Variants in APOL1 observed in about 807,000 individuals in gnomAD.
APOL1 encodes apolipoprotein L1.
Under a neutral mutation model 14.9 loss-of-function variants are expected in APOL1, and 17 were observed. The ratio of observed to expected loss-of-function variants is 1.14; its 90% confidence interval spans 0.78 to 1.71. The LOEUF is 1.71. Ranked by LOEUF, APOL1 falls within the 40% of genes most tolerant of loss-of-function variation. The probability of loss-of-function intolerance (pLI) is 0.00; values close to 1 mark genes in which losing one functional copy is unlikely to be tolerated. For missense variants in APOL1, 523 were observed against 485.9 expected, an observed-to-expected ratio of 1.08 and a Z score of -0.72; for synonymous variants, 195 against 184.8, an observed-to-expected ratio of 1.05 and a Z score of -0.45.
In APOL1 at chr22:36,267,283, G is replaced by A. The variant is rs2016305046; in HGVS notation, c.*1250G>A. 6.6e-6 allele frequency: 1 copy of A among 152,256 alleles called. No individual in the cohort carries two copies. Among genetic ancestry groups the A allele is most frequent in the Non-Finnish European group, 1.5e-5 (1 of 68,102 alleles). The allele number at this position is 152,256 out of a possible 1,614,324, so 9.4% of individuals were successfully genotyped here. A position where few individuals can be genotyped will look rare whatever the true frequency, so the allele number is the denominator to read the frequency against. On this transcript the variant is annotated 3_prime_UTR_variant, in exon 6 of 6. Coordinates refer to ENST00000397278, the MANE Select transcript of APOL1 (RefSeq NM_003661.4). ...CCTGCTTGAACACTGAAGGGCAGGT[G>A]GTGGGCCATGGCCATGGTCCCCAGC...
rs774066225 is a variant in APOL1, at chr22:36,265,731, G to C, written c.895G>C (p.Ala299Pro). 1.2e-6 allele frequency: 2 copies of C among 1,614,034 alleles called. No homozygotes were observed. The highest frequency in any genetic ancestry group is 2.2e-5 in the South Asian group (2 of 91,048). Residue 299 changes from alanine to proline, a missense_variant, in exon 6 of 6, where the codon GCC (alanine) becomes CCC (proline). By Grantham distance (27) the Ala-to-Pro change is conservative. Transcript: ENST00000397278. ...ARANLQSVPH[A>P]SASRPRVTEP... The stretch of plus-strand genomic sequence containing the variant: ...AGCCAATCTTCAGTCAGTACCGCAT[G>C]CCTCAGCCTCACGCCCCCGGGTCAC...
chr22:36,267,299 G>A lies in APOL1; in HGVS notation c.*1266G>A, dbSNP rs1142550. Reference sequence around the variant, plus strand: ...AGGGCAGGTGGTGGGCCATGGCCATGGTCCCCAGCTGAGGAGCAGGTGTCC... The same window carrying A: ...AGGGCAGGTGGTGGGCCATGGCCATAGTCCCCAGCTGAGGAGCAGGTGTCC... On this transcript the variant is annotated 3_prime_UTR_variant, in exon 6 of 6. Coordinates refer to ENST00000397278, the MANE Select transcript of APOL1 (RefSeq NM_003661.4). 6.6e-6 allele frequency: 1 copy of A among 152,278 alleles called. No homozygotes were observed. Among genetic ancestry groups the A allele is most frequent in the Non-Finnish European group, 1.5e-5 (1 of 68,116 alleles). 9.4% of individuals were successfully genotyped at this position (152,278 alleles called of 1,614,324 possible). A position where few individuals can be genotyped will look rare whatever the true frequency, so the allele number is the denominator to read the frequency against.
At chr22:36,260,273 T>C (rs546976906) in intron 4 of APOL1, among the ~76,000 whole-genome samples, 4 of 152,080 alleles carry the variant, frequency 2.6e-5, no homozygotes, top group African/African-American at 9.7e-5. Context: ...CAGGCGCCTG[T>C]AGTCCCAGCT....
At position 36,259,716 on chromosome 22, in the gene APOL1, C is replaced by A. The variant is rs565335433; in HGVS notation, c.188-1880C>A. The A allele has an allele frequency of 1.2e-4, 151 of 1,303,882 alleles. No homozygotes were observed. In the African/African-American group the frequency reaches 2.2e-3, roughly 19 times the overall value. The allele number at this position is 1,303,882 out of a possible 1,614,324, so 80.8% of individuals were successfully genotyped here. A position where few individuals can be genotyped will look rare whatever the true frequency, so the allele number is the denominator to read the frequency against. The stretch of plus-strand genomic sequence containing the variant: ...CAGTGGAGAGCCGTGTACCCTGAGA[C>A]CAGCCTGCAGAGGACAGAGGCAACA... On this transcript the variant is annotated intron_variant, in intron 4 of 5. Transcript: ENST00000397278.
chr22:36,261,520 T>TA (rs1198225793), intron 4 of APOL1, 76 bp from the exon 5 acceptor site: 1 of 1,454,424 alleles, frequency 6.9e-7, no homozygotes, highest in African/African-American at 1.4e-5. Flanking sequence ...AATTAACATG[T>TA]AGTCATCTCT....
chr22:36,261,710 C>G lies in APOL1; in HGVS notation c.302C>G (p.Ala101Gly). Residue 101 changes from alanine (A) to glycine (G), a missense_variant, in exon 5 of 6, where the codon GCT (alanine) becomes GGT (glycine). Coordinates refer to ENST00000397278, the MANE Select transcript of APOL1 (RefSeq NM_003661.4). ...NEAWNGFVAA[A>G]ELPRNEADEL... ...GCCTGGAACGGATTCGTGGCTGCTG[C>G]TGAACTGCCCAGGTAAGCTCCATGG... 6.2e-7 allele frequency: 1 copy of G among 1,613,952 alleles called. No individual in the cohort carries two copies. The highest frequency in any genetic ancestry group is 1.1e-5 in the South Asian group (1 of 91,068).
intron 2 of APOL1, 138 bp downstream of exon 2, chr22:36,255,137 G>C: frequency 9.3e-7 from 1 of 1,080,210 alleles, no homozygotes; most frequent in South Asian, 1.3e-5. Context: ...TGACCAACCG[G>C]CAGACTCGCC....
chr22:36,254,438 G>A (rs959455752), intron 1 of APOL1, among the ~76,000 whole-genome samples: 2 of 152,172 alleles, frequency 1.3e-5, no homozygotes, highest in African/African-American at 2.4e-5. Context: ...ATGGTAGTGT[G>A]TACCTGTAGT....
chr22:36,262,059 C>T (rs1446827874), intron 5 of APOL1, among the ~76,000 whole-genome samples: 2 of 152,206 alleles, frequency 1.3e-5, no homozygotes, highest in Non-Finnish European at 2.9e-5. Context: ...AAGTGCTTAG[C>T]ATAATGACTG....
chr22:36,257,705 G>T lies in APOL1; in HGVS notation c.187+298G>T, dbSNP rs187698914. 3.8e-3 allele frequency: 1,141 copies of T among 302,916 alleles called. 57 individuals are homozygous for T. The highest frequency in any genetic ancestry group is 9.7e-3 in the Admixed American group (226 of 23,304). 18.8% of individuals were successfully genotyped at this position (302,916 alleles called of 1,614,324 possible). The stretch of plus-strand genomic sequence containing the variant: ...GGGGAAGTGGAATCAGCGGGGGGGG[G>T]GGGGAGTGTGGGGAGAGCAGGGTCC... On this transcript the variant is annotated intron_variant, in intron 4 of 5. Transcript: ENST00000397278.
intron 2 of APOL1, among the ~76,000 whole-genome samples, chr22:36,255,839 G>T (rs1408378844): frequency 6.6e-6 from 1 of 150,886 alleles, no homozygotes; most frequent in Admixed American, 6.6e-5. Context: ...GCCTGAAATG[G>T]TATTGTTATT....
At chr22:36,257,809 T>C (rs979108778) in intron 4 of APOL1, among the ~76,000 whole-genome samples, 3 of 151,980 alleles carry the variant, frequency 2.0e-5, no homozygotes, top group Admixed American at 6.6e-5. Flanking sequence ...AAGCTGACCC[T>C]GGGGTGTTTC....
intron 5 of APOL1, among the ~76,000 whole-genome samples, chr22:36,263,304 A>G (rs1430966617): frequency 6.6e-6 from 1 of 152,228 alleles, no homozygotes; most frequent in African/African-American, 2.4e-5. Flanking sequence ...AAGGGAGCAG[A>G]TGCCAGGCAA....
At chr22:36,255,093 GCTT>G (rs1321241687) in intron 2 of APOL1, 94 bp downstream of exon 2, 1 of 1,429,516 alleles carries the variant, frequency 7.0e-7, no homozygotes, top group African/African-American at 1.4e-5. Flanking sequence ...GGCCATCTGG[GCTT>G]CTTCTAGGAA....
At chr22:36,261,562 T>A (rs2016072230) in intron 4 of APOL1, 34 bp from the exon 5 acceptor site, 10 of 1,601,824 alleles carry the variant, frequency 6.2e-6, no homozygotes, top group Non-Finnish European at 8.5e-6. Context: ...TCCCACACTT[T>A]CCTCCAACCT....
chr22:36,265,365 G>T lies in APOL1; in HGVS notation c.529G>T (p.Val177Leu), dbSNP rs1393953606. The change falls in exon 6 of 6, where the codon GTG becomes TTG. Residue 177 changes from valine (V) to leucine (L), a missense_variant. Coordinates refer to ENST00000397278, the MANE Select transcript of APOL1 (RefSeq NM_003661.4). ...CCACAAAGGCACCACCATCGCCAATGTGGTGTCTGGCTCTCTCAGCATTTC... is the reference window on the plus strand; with the variant it reads ...CCACAAAGGCACCACCATCGCCAATTTGGTGTCTGGCTCTCTCAGCATTTC... The part of the protein sequence containing the change: ...KVHKGTTIAN[V>L]VSGSLSISSG... 5 of 1,612,408 alleles carry T rather than the reference G, an allele frequency of 3.1e-6. No homozygotes were observed. Among genetic ancestry groups the T allele is most frequent in the Non-Finnish European group, 4.2e-6 (5 of 1,179,040 alleles).
At position 36,266,139 on chromosome 22, in the gene APOL1, G is replaced by C. The variant is rs998630616; in HGVS notation, c.*106G>C. On this transcript the variant is annotated 3_prime_UTR_variant, in exon 6 of 6. Coordinates refer to ENST00000397278, the MANE Select transcript of APOL1 (RefSeq NM_003661.4). ...CAGAGTCTTGCTCTGTCGCCAAGTTGGAGTGCAATGGTGCGATCTCAGCTC... is the reference window on the plus strand; with the variant it reads ...CAGAGTCTTGCTCTGTCGCCAAGTTCGAGTGCAATGGTGCGATCTCAGCTC... 23 of 1,258,278 alleles carry C rather than the reference G, an allele frequency of 1.8e-5. No individual in the cohort carries two copies. The highest frequency in any genetic ancestry group is 2.5e-5 in the Non-Finnish European group (23 of 916,122). 77.9% of individuals were successfully genotyped at this position (1,258,278 alleles called of 1,614,324 possible).
chr22:36,266,140 G>A lies in APOL1; in HGVS notation c.*107G>A, dbSNP rs1022679509. The A allele has an allele frequency of 7.1e-6, 9 of 1,261,814 alleles. No homozygotes were observed. Among genetic ancestry groups the A allele is most frequent in the African/African-American group, 3.0e-5 (2 of 65,884 alleles). 78.2% of individuals were successfully genotyped at this position (1,261,814 alleles called of 1,614,324 possible). A position where few individuals can be genotyped will look rare whatever the true frequency, so the allele number is the denominator to read the frequency against. ...AGAGTCTTGCTCTGTCGCCAAGTTG[G>A]AGTGCAATGGTGCGATCTCAGCTCA... On this transcript the variant is annotated 3_prime_UTR_variant, in exon 6 of 6. Coordinates refer to ENST00000397278, the MANE Select transcript of APOL1 (RefSeq NM_003661.4).
rs1247964955 is a variant in APOL1 at position 36,257,115 on chromosome 22, G to A, written c.77G>A (p.Arg26Lys). 3 of 1,614,032 alleles carry A rather than the reference G, an allele frequency of 1.9e-6. No individual in the cohort carries two copies. The highest frequency in any genetic ancestry group is 1.7e-6 in the Non-Finnish European group (2 of 1,180,022). The change falls in exon 3 of 6, where the codon AGG becomes AAG. Residue 26 changes from arginine to lysine, a missense_variant. By Grantham distance (26) the Arg-to-Lys change is conservative. Coordinates refer to ENST00000397278, the MANE Select transcript of APOL1 (RefSeq NM_003661.4). ...MSALFLGVGV[R>K]AEEAGARVQQ... ...GCACTTTTCCTTGGTGTGGGAGTGA[G>A]GGCAGAGGAAGCTGGAGCGAGGTGA...
Sources: gnomAD v4.1 joint callset for allele counts (sites outside exome capture counted in the v4.1 genomes callset) on GRCh38, gnomAD v4.1.1 for gene constraint, MANE v1.5 for transcripts, NCBI Gene and HGNC (gene_info 2026-07-23, HGNC 2026-07-21) for gene names.